TASOR: variants seen among roughly 807,000 people sequenced by gnomAD.
The protein encoded by TASOR is transcription activation suppressor, also known as protein TASOR.
Under a neutral mutation model 178.6 loss-of-function variants are expected in TASOR, and 53 were observed. The observed-to-expected ratio is 0.30, with a 90% CI of 0.24 to 0.37. TASOR has a LOEUF of 0.37. TASOR is among the 10% of genes least tolerant of loss of function. The pLI is 1.00. For missense variants in TASOR, 1,815 were observed against 1,971.4 expected, an observed-to-expected ratio of 0.92 and a Z score of 1.50; for synonymous variants, 713 against 696.2, an observed-to-expected ratio of 1.02 and a Z score of -0.38.
chr3:56,641,269 C>G, intron 15 of TASOR, 80 bp downstream of exon 15: 4 of 1,370,162 alleles, frequency 2.9e-6, no homozygotes, highest in Non-Finnish European at 3.9e-6. Flanking sequence ...AGAAAAAAAT[C>G]ATTCCCTGAA....
chr3:56,680,610 A>G (rs1162217787), intron 1 of TASOR, among the ~76,000 whole-genome samples: 1 of 152,182 alleles, frequency 6.6e-6, no homozygotes, highest in African/African-American at 2.4e-5. Context: ...ATTAAATTCT[A>G]TCAGCAACCA....
chr3:56,673,433 CAAAAAAAAAA>C (rs5849162), intron 2 of TASOR, 137 bp downstream of exon 2: 8 of 194,768 alleles, frequency 4.1e-5, no homozygotes, highest in East Asian at 1.2e-4. Flanking sequence ...ACTCCGTCTC[CAAAAAAAAAA>C]AAAAAAAAAA....
chr3:56,622,988 G>A lies in TASOR; in HGVS notation c.*49C>T. The A allele has an allele frequency of 2.5e-6, 3 of 1,214,798 alleles. No homozygotes were observed. The highest frequency in any genetic ancestry group is 3.4e-6 in the Non-Finnish European group (3 of 885,868). The allele number at this position is 1,214,798 out of a possible 1,614,324, so 75.3% of individuals were successfully genotyped here. A position where few individuals can be genotyped will look rare whatever the true frequency, so the allele number is the denominator to read the frequency against. ...TTGTTTAGAGAATGAAATATAAATT[G>A]TTAATAAACAAAGTCCACAACAATC... On this transcript the variant is annotated 3_prime_UTR_variant, in exon 24 of 24. Transcript: ENST00000683822.
chr3:56,632,491 A>C (rs914713721), intron 18 of TASOR, among the ~76,000 whole-genome samples: 5 of 151,768 alleles, frequency 3.3e-5, no homozygotes, highest in Non-Finnish European at 2.9e-5. Flanking sequence ...AAAAACAAAA[A>C]TCCAAGAAAT....
chr3:56,645,757 T>G (rs112118300), intron 14 of TASOR, among the ~76,000 whole-genome samples: 34 of 152,334 alleles, frequency 2.2e-4, no homozygotes, highest in African/African-American at 7.5e-4. Flanking sequence ...AGAGTATGTG[T>G]ATGCATATTT....
At chr3:56,638,301 G>A (rs1417731415) in intron 17 of TASOR, among the ~76,000 whole-genome samples, 1 of 152,194 alleles carries the variant, frequency 6.6e-6, no homozygotes, top group African/African-American at 2.4e-5. Flanking sequence ...GGGAGGCAGA[G>A]GTTGCAGTGA....
chr3:56,627,818 A>T, intron 19 of TASOR, 77 bp from the exon 20 acceptor site: 1 of 1,371,548 alleles, frequency 7.3e-7, no homozygotes, highest in Non-Finnish European at 1.0e-6. Flanking sequence ...GGAACCTACA[A>T]GAAGTCTAAC....
Position 56,647,232 on chromosome 3 carries a change from AAAAC to A in TASOR, c.1514-13_1514-10del, listed in dbSNP as rs543100269. 367 of 1,515,810 alleles carry A rather than the reference AAAAC, an allele frequency of 2.4e-4. No homozygotes were observed. The highest frequency in any genetic ancestry group is 6.9e-4 in the South Asian group (50 of 72,538). The allele number at this position is 1,515,810 out of a possible 1,614,324, so 93.9% of individuals were successfully genotyped here. ...GGTTGAACCTTTTTGTGCTGTAAAT[AAAAC>A]AAACAAACAAAAAAGCAAACCATGT... is the stretch of plus-strand genomic sequence containing the variant. On this transcript the variant is annotated splice_polypyrimidine_tract_variant and intron_variant, in intron 13 of 23. Transcript: ENST00000683822.
chr3:56,651,941 T>A (rs1392351778), intron 11 of TASOR, among the ~76,000 whole-genome samples: 2 of 152,126 alleles, frequency 1.3e-5, no homozygotes, highest in African/African-American at 4.8e-5. Context: ...TAGAAATAAC[T>A]GATAAAAGAA....
In TASOR at chr3:56,624,599, C is replaced by T. The variant is rs1393268500; in HGVS notation, c.4363G>A (p.Val1455Met). The T allele has an allele frequency of 8.7e-6, 14 of 1,613,918 alleles. No homozygotes were observed. The highest frequency in any genetic ancestry group is 1.0e-5 in the Non-Finnish European group (12 of 1,179,946). Residue 1455 changes from valine to methionine, a missense_variant, in exon 23 of 24, where the codon GTG becomes ATG. By Grantham distance (21) the Val-to-Met change is conservative (BLOSUM62 1). This residue lies in a region of TASOR where 278 missense variants were observed against 257.1 expected (regional missense o/e 1.08). Coordinates refer to ENST00000683822, the MANE Select transcript of TASOR (RefSeq NM_001365635.2). ...ATGAAGTCTTCAGCAGTTGCAACCA[C>T]TATTCCATTATCTGTATAACTGGAA... ...MLSSYTDNGIVVATAEDFMQN... is the reference protein window; with the variant it reads ...MLSSYTDNGIMVATAEDFMQN...
In TASOR at chr3:56,641,515, G is replaced by A. The variant is rs370427540; in HGVS notation, c.2453C>T (p.Ser818Phe). 4 of 1,613,952 alleles carry A rather than the reference G, an allele frequency of 2.5e-6. No individual in the cohort carries two copies. The highest frequency in any genetic ancestry group is 3.4e-6 in the Non-Finnish European group (4 of 1,179,920). The change falls in exon 15 of 24, where the codon TCT becomes TTT. Residue 818 changes from serine to phenylalanine, a missense_variant. By Grantham distance (155) the Ser-to-Phe change is radical. Around this residue, in one of 5 missense-constraint regions of TASOR, gnomAD observed 655 missense variants for 671.1 expected, o/e 0.98. Transcript: ENST00000683822. ...LRQKHEYELN[S>F]TPDKKDYEQP... is the part of the protein sequence containing the mutation. ...CTCATAGTCTTTCTTATCTGGGGTA[G>A]AGTTCAACTCATACTCATGTTTTTG...
At chr3:56,632,097 CTA>C (rs1483750012) in intron 18 of TASOR, among the ~76,000 whole-genome samples, 1 of 152,170 alleles carries the variant, frequency 6.6e-6, no homozygotes, top group Non-Finnish European at 1.5e-5. Flanking sequence ...GTTTGTTTTT[CTA>C]TATGATTGAT....
intron 21 of TASOR, among the ~76,000 whole-genome samples, chr3:56,625,214 G>C (rs1224072900): frequency 6.6e-6 from 1 of 152,192 alleles, no homozygotes; most frequent in Non-Finnish European, 1.5e-5. Flanking sequence ...CGAGGCCTCA[G>C]GGCCAGCTAT....
At chr3:56,665,837 T>C (rs1483422298) in intron 7 of TASOR, among the ~76,000 whole-genome samples, 2 of 151,882 alleles carry the variant, frequency 1.3e-5, no homozygotes, top group African/African-American at 4.8e-5. Context: ...CCAGGCATGG[T>C]GGTATGTGCC....
In TASOR at chr3:56,621,333, T is replaced by C. The variant is rs1418337645; in HGVS notation, c.*1704A>G. 1.8e-5 allele frequency: 7 copies of C among 391,508 alleles called. No individual in the cohort carries two copies. Among genetic ancestry groups the C allele is most frequent in the African/African-American group, 4.1e-5 (2 of 48,266 alleles). 24.3% of individuals were successfully genotyped at this position (391,508 alleles called of 1,614,324 possible). On this transcript the variant is annotated 3_prime_UTR_variant, in exon 24 of 24. Transcript: ENST00000683822. Reference sequence around the variant, plus strand: ...TTTTCATCCCTATTGATTTTTATGCTAAAAACAGAATCTTACAAATGTGAT... The same window carrying C: ...TTTTCATCCCTATTGATTTTTATGCCAAAAACAGAATCTTACAAATGTGAT...
At chr3:56,653,635 C>T (rs1234616430) in intron 11 of TASOR, among the ~76,000 whole-genome samples, 1 of 151,952 alleles carries the variant, frequency 6.6e-6, no homozygotes, top group African/African-American at 2.4e-5. Context: ...ATAGATTATA[C>T]ATTTTTCTCA....
At chr3:56,681,877 C>CT (rs2031826138) in intron 1 of TASOR, among the ~76,000 whole-genome samples, 1 of 152,140 alleles carries the variant, frequency 6.6e-6, no homozygotes, top group African/African-American at 2.4e-5. Context: ...GTTCCAAAAA[C>CT]TAAGACTGGA....
chr3:56,638,658 C>T (rs2077063575), intron 17 of TASOR, 48 bp downstream of exon 17: 7 of 1,597,706 alleles, frequency 4.4e-6, no homozygotes, highest in Middle Eastern at 3.3e-4. Context: ...CAAGTAGCAA[C>T]TCTGAAGAAG....
chr3:56,668,192 C>T (rs545208879), intron 6 of TASOR, among the ~76,000 whole-genome samples: 68 of 152,234 alleles, frequency 4.5e-4, no homozygotes, highest in African/African-American at 1.5e-3. Flanking sequence ...TACCCTGTAA[C>T]CTTGAAGACC....
Sources: gnomAD v4.1 joint callset for allele counts (sites outside exome capture counted in the v4.1 genomes callset) on GRCh38, gnomAD v4.1.1 for gene constraint, gnomAD v4.1.1 regional missense constraint, MANE v1.5 for transcripts, NCBI Gene and HGNC (gene_info 2026-07-23, HGNC 2026-07-21) for gene names.